Variants in WDR41 observed in about 807,000 individuals in gnomAD.
The protein encoded by WDR41 is WD repeat-containing protein 41.
A neutral mutation model predicts 69.3 loss-of-function variants in WDR41; 63 were observed. The ratio of observed to expected loss-of-function variants is 0.91; its 90% confidence interval spans 0.74 to 1.12. WDR41 has a LOEUF of 1.12. WDR41 is among the 50% of genes most tolerant of loss of function. The pLI is 0.00. For synonymous variants in WDR41, 185 were observed against 192.1 expected, an observed-to-expected ratio of 0.96 and a Z score of 0.31; for missense variants, 543 against 534.5, an observed-to-expected ratio of 1.02 and a Z score of -0.16.
At chr5:77,453,465 A>G (rs1352309916) in intron 6 of WDR41, among the ~76,000 whole-genome samples, 1 of 152,176 alleles carries the variant, frequency 6.6e-6, no homozygotes, top group Non-Finnish European at 1.5e-5. Flanking sequence ...GACAATTGTA[A>G]AAAGAGGTCA....
At chr5:77,497,470 A>G (rs1801950399) in intron 1 of WDR41, among the ~76,000 whole-genome samples, 1 of 152,204 alleles carries the variant, frequency 6.6e-6, no homozygotes, top group Non-Finnish European at 1.5e-5. Context: ...AGGAAGGTAT[A>G]TGAATGGTCA....
rs191076567 is a variant in WDR41, at chr5:77,467,935, T to A, written c.168-3126A>T. On this transcript the variant is annotated intron_variant, in intron 2 of 12. Coordinates refer to ENST00000296679, the MANE Select transcript of WDR41 (RefSeq NM_018268.4). ...CCAATTCTTATCCATATACTTCAGG[T>A]TTTTTCTTTAACTTAAAACCAAGTC... Among the ~76,000 whole-genome samples, 62 of 151,838 alleles carry A rather than the reference T, an allele frequency of 4.1e-4. 1 individual carries two copies. The highest frequency in any genetic ancestry group is 3.5e-3 in the Admixed American group (53 of 15,228).
At chr5:77,569,916 C>G (rs925656134) in intron 1 of WDR41, among the ~76,000 whole-genome samples, 2 of 152,166 alleles carry the variant, frequency 1.3e-5, no homozygotes, top group African/African-American at 4.8e-5. Context: ...ATCTACATCT[C>G]CTGTGGCTAT....
intron 1 of WDR41, among the ~76,000 whole-genome samples, chr5:77,581,063 C>T (rs1338916230): frequency 6.6e-6 from 1 of 151,890 alleles, no homozygotes; most frequent in East Asian, 1.9e-4. Flanking sequence ...ATTAAACAAT[C>T]CAATCAAAAG....
chr5:77,597,319 A>G (rs905541149), intron 1 of WDR41, among the ~76,000 whole-genome samples: 13 of 152,170 alleles, frequency 8.5e-5, no homozygotes. Flanking sequence ...AAAACAATCC[A>G]GAAAATTGAG....
intron 8 of WDR41, among the ~76,000 whole-genome samples, chr5:77,443,872 A>G (rs1581698270): frequency 7.6e-6 from 1 of 131,630 alleles, no homozygotes; most frequent in East Asian, 2.3e-4. Context: ...CAGCTCAATC[A>G]GCACTTTTTT....
chr5:77,524,794 C>T (rs1581785527), intron 1 of WDR41, among the ~76,000 whole-genome samples: 1 of 152,296 alleles, frequency 6.6e-6, no homozygotes, highest in East Asian at 1.9e-4. Flanking sequence ...CTAAATAAAT[C>T]ACTGACCTAG....
intron 11 of WDR41, 71 bp from the exon 12 acceptor site, chr5:77,436,465 T>G: frequency 6.3e-7 from 1 of 1,574,912 alleles, no homozygotes; most frequent in East Asian, 2.3e-5. Context: ...AAAAACAAAA[T>G]TTAAATGTGA....
intron 1 of WDR41, chr5:77,545,477 G>A (rs1049847607): frequency 3.7e-5 from 8 of 214,254 alleles, no homozygotes; most frequent in Non-Finnish European, 6.4e-5. Context: ...GGCTTCCGGG[G>A]AGGCTTCGGC....
chr5:77,597,369 T>G (rs1266483935), intron 1 of WDR41, among the ~76,000 whole-genome samples: 2 of 152,210 alleles, frequency 1.3e-5, no homozygotes, highest in East Asian at 3.9e-4. Context: ...TTAATTCATT[T>G]AGCTTTCCTT....
chr5:77,441,602 G>A (rs1347028934), intron 8 of WDR41, among the ~76,000 whole-genome samples: 1 of 152,146 alleles, frequency 6.6e-6, no homozygotes, highest in East Asian at 1.9e-4. Flanking sequence ...AGCCGGGCAT[G>A]GTGGTGTGCA....
chr5:77,467,987 A>C (rs1003782368), intron 2 of WDR41, among the ~76,000 whole-genome samples: 3 of 151,634 alleles, frequency 2.0e-5, no homozygotes, highest in African/African-American at 7.3e-5. Context: ...TCCAGCCTGG[A>C]CAACAGAGCA....
intron 1 of WDR41, among the ~76,000 whole-genome samples, chr5:77,590,764 C>T (rs776845610): frequency 5.3e-5 from 8 of 152,168 alleles, no homozygotes; most frequent in Non-Finnish European, 1.0e-4. Flanking sequence ...GTGGCAACAA[C>T]TTATGCTAAG....
intron 1 of WDR41, among the ~76,000 whole-genome samples, chr5:77,515,916 A>C (rs1802285335): frequency 6.6e-6 from 1 of 152,204 alleles, no homozygotes. Context: ...GCCAGTCCCC[A>C]TATTGGACGT....
intron 2 of WDR41, among the ~76,000 whole-genome samples, chr5:77,472,887 C>T (rs1464797020): frequency 2.0e-5 from 3 of 152,090 alleles, no homozygotes; most frequent in Admixed American, 6.6e-5. Flanking sequence ...ATCAAGCTAC[C>T]AATGACTTTC....
chr5:77,544,007 T>A (rs1402003726), intron 1 of WDR41, among the ~76,000 whole-genome samples: 1 of 152,076 alleles, frequency 6.6e-6, no homozygotes, highest in Non-Finnish European at 1.5e-5. Flanking sequence ...ATCTTCAGCC[T>A]CCTCAAACAA....
chr5:77,436,118 C>G, intron 12 of WDR41, 143 bp downstream of exon 12: 2 of 1,069,924 alleles, frequency 1.9e-6, no homozygotes, highest in Non-Finnish European at 2.6e-6. Flanking sequence ...CATACTATAG[C>G]CTATCCCATT....
intron 9 of WDR41, 140 bp from the exon 10 acceptor site, chr5:77,438,501 T>C: frequency 8.2e-7 from 1 of 1,220,458 alleles, no homozygotes; most frequent in South Asian, 1.6e-5. Context: ...ACAGTACTAA[T>C]CTCTGAAACC....
intron 1 of WDR41, among the ~76,000 whole-genome samples, chr5:77,552,660 G>A (rs547007526): frequency 1.3e-5 from 2 of 152,294 alleles, no homozygotes; most frequent in South Asian, 4.1e-4. Flanking sequence ...TATAATTACT[G>A]TAATCAAGAG....
Sources: gnomAD v4.1 joint callset for allele counts (sites outside exome capture counted in the v4.1 genomes callset) on GRCh38, gnomAD v4.1.1 for gene constraint, MANE v1.5 for transcripts, NCBI Gene and HGNC (gene_info 2026-07-23, HGNC 2026-07-21) for gene names.